The following EPHB1 variants were observed in gnomAD, a reference collection of about 807,000 sequenced individuals.
The protein encoded by EPHB1 is EPH receptor B1, also known as ephrin type-B receptor 1.
In EPHB1, 30 loss-of-function variants were observed where a neutral mutation model predicts 94.4. The ratio of observed to expected loss-of-function variants is 0.32; its 90% CI spans 0.24 to 0.43. The LOEUF (loss-of-function observed/expected upper bound fraction) is 0.43. EPHB1 is among the 20% of genes least tolerant of loss of function. The probability of loss-of-function intolerance (pLI) is 1.00; values close to 1 mark genes in which losing one functional copy is unlikely to be tolerated. For missense variants in EPHB1, 1,055 were observed against 1,308.3 expected, an observed-to-expected ratio of 0.81 and a Z score of 2.99; for synonymous variants, 522 against 489.1, an observed-to-expected ratio of 1.07 and a Z score of -0.89.
intron 5 of EPHB1, among the ~76,000 whole-genome samples, chr3:135,146,458 A>G (rs1468850994): frequency 6.6e-6 from 1 of 152,236 alleles, no homozygotes; most frequent in African/African-American, 2.4e-5. Flanking sequence ...TGGCAGGGCC[A>G]TGGGAGCATC....
intron 3 of EPHB1, among the ~76,000 whole-genome samples, chr3:134,995,301 A>G (rs1298403562): frequency 6.6e-6 from 1 of 152,170 alleles, no homozygotes; most frequent in Non-Finnish European, 1.5e-5. Flanking sequence ...TCATTTCCAT[A>G]CAAGTTGTTG....
intron 1 of EPHB1, among the ~76,000 whole-genome samples, chr3:134,802,419 G>A (rs1437552176): frequency 6.6e-6 from 1 of 151,928 alleles, no homozygotes; most frequent in East Asian, 1.9e-4. Flanking sequence ...GTGACCCTTT[G>A]GCAAATCATG....
intron 7 of EPHB1, 45 bp from the exon 8 acceptor site, chr3:135,165,923 G>A (rs758520255): frequency 6.9e-7 from 1 of 1,446,830 alleles, no homozygotes; most frequent in African/African-American, 1.4e-5. Flanking sequence ...TCAGCTGTAT[G>A]CAAAAGGCAC....
At chr3:135,003,490 CT>C (rs1362248310) in intron 3 of EPHB1, among the ~76,000 whole-genome samples, 1 of 147,968 alleles carries the variant, frequency 6.8e-6, no homozygotes, top group Non-Finnish European at 1.5e-5. Context: ...TGGTGCAGAG[CT>C]GAGTTCAATT....
intron 12 of EPHB1, among the ~76,000 whole-genome samples, chr3:135,203,947 A>G (rs1942827623): frequency 1.3e-5 from 2 of 152,174 alleles, no homozygotes; most frequent in South Asian, 4.1e-4. Context: ...TTCAACAATG[A>G]AAAATGATGC....
chr3:135,020,485 T>C (rs924918596), intron 3 of EPHB1, among the ~76,000 whole-genome samples: 5 of 152,256 alleles, frequency 3.3e-5, no homozygotes, highest in Non-Finnish European at 7.3e-5. Flanking sequence ...TCTCTATGGA[T>C]TTGCCTATTC....
At chr3:134,879,489 AT>A (rs1366773943) in intron 1 of EPHB1, among the ~76,000 whole-genome samples, 3 of 152,018 alleles carry the variant, frequency 2.0e-5, no homozygotes, top group Non-Finnish European at 4.4e-5. Context: ...ATACAAAAAA[AT>A]AAAATAAAAT....
At chr3:135,203,939 C>T (rs1942827173) in intron 12 of EPHB1, among the ~76,000 whole-genome samples, 1 of 152,162 alleles carries the variant, frequency 6.6e-6, no homozygotes, top group South Asian at 2.1e-4. Flanking sequence ...GTTGCTGCTT[C>T]AACAATGAAA....
intron 3 of EPHB1, among the ~76,000 whole-genome samples, chr3:134,973,940 G>C (rs1026990568): frequency 3.3e-5 from 5 of 152,152 alleles, no homozygotes; most frequent in African/African-American, 1.2e-4. Flanking sequence ...GAGAGGTTTT[G>C]TCTGACCTGG....
At chr3:134,830,766 G>A (rs1322902920) in intron 1 of EPHB1, among the ~76,000 whole-genome samples, 3 of 152,202 alleles carry the variant, frequency 2.0e-5, no homozygotes, top group African/African-American at 7.2e-5. Flanking sequence ...GCCTTGGGCC[G>A]CAGATGCAAC....
intron 5 of EPHB1, among the ~76,000 whole-genome samples, chr3:135,151,236 C>T (rs1941183976): frequency 6.6e-6 from 1 of 152,152 alleles, no homozygotes; most frequent in South Asian, 2.1e-4. Flanking sequence ...TGACAGTCCT[C>T]CTATGGCCCT....
At chr3:135,040,697 T>C (rs1167768856) in intron 3 of EPHB1, among the ~76,000 whole-genome samples, 1 of 152,204 alleles carries the variant, frequency 6.6e-6, no homozygotes, top group Non-Finnish European at 1.5e-5. Flanking sequence ...CCAGGGGTTG[T>C]GAGAACTCAG....
intron 3 of EPHB1, among the ~76,000 whole-genome samples, chr3:135,020,348 A>T (rs1475189772): frequency 6.6e-6 from 1 of 152,188 alleles, no homozygotes; most frequent in East Asian, 1.9e-4. Flanking sequence ...GAGTTGTGCA[A>T]CCATCGCCAC....
At chr3:135,097,299 T>C (rs1938840026) in intron 3 of EPHB1, among the ~76,000 whole-genome samples, 1 of 150,376 alleles carries the variant, frequency 6.6e-6, no homozygotes, top group Non-Finnish European at 1.5e-5. Flanking sequence ...CACTCCCTAA[T>C]CACTGACCTT....
chr3:135,212,477 A>G (rs1247330420), intron 12 of EPHB1, among the ~76,000 whole-genome samples: 2 of 152,098 alleles, frequency 1.3e-5, no homozygotes, highest in Non-Finnish European at 2.9e-5. Flanking sequence ...GGTTAGACTC[A>G]ATCTGTAAAC....
At chr3:134,944,360 C>G (rs2039178066) in intron 2 of EPHB1, among the ~76,000 whole-genome samples, 1 of 152,124 alleles carries the variant, frequency 6.6e-6, no homozygotes, top group Non-Finnish European at 1.5e-5. Context: ...TGTTTATGCA[C>G]TCACCACTTG....
chr3:135,020,239 AT>A lies in EPHB1; in HGVS notation c.805+68194del, dbSNP rs1451069156. ...TCTTCCCGTTGGTTATTTGCCATTA[AT>A]TTTTTTATAATAGCTGTGTTGAGAT... On this transcript the variant is annotated intron_variant, in intron 3 of 15. Transcript: ENST00000398015. Among the ~76,000 whole-genome samples the A allele has an allele frequency of 1.1e-4, 17 of 152,190 alleles. No homozygotes were observed. In the East Asian group the frequency reaches 3.1e-3, roughly 28 times the overall value.
intron 1 of EPHB1, among the ~76,000 whole-genome samples, chr3:134,875,561 T>G (rs903799290): frequency 1.3e-5 from 2 of 152,136 alleles, no homozygotes; most frequent in African/African-American, 4.8e-5. Flanking sequence ...TCCACATTAA[T>G]GGTGCCATGG....
chr3:135,047,775 C>T (rs1055682973), intron 3 of EPHB1, among the ~76,000 whole-genome samples: 1 of 152,160 alleles, frequency 6.6e-6, no homozygotes, highest in Non-Finnish European at 1.5e-5. Context: ...AGCAGTTTTC[C>T]ATCCTTCCCT....
Sources: gnomAD v4.1 joint callset for allele counts (sites outside exome capture counted in the v4.1 genomes callset) on GRCh38, gnomAD v4.1.1 for gene constraint, MANE v1.5 for transcripts, NCBI Gene and HGNC (gene_info 2026-07-23, HGNC 2026-07-21) for gene names.